Variants in RUVBL1 observed in about 807,000 individuals in gnomAD.
RUVBL1 encodes ruvB-like 1.
Under a neutral mutation model 52.4 loss-of-function variants are expected in RUVBL1, and 4 were observed. That is an observed-to-expected ratio of 0.08 (90% CI 0.04 to 0.17). The LOEUF is 0.17. Ranked by LOEUF, RUVBL1 falls within the 10% of genes least tolerant of loss-of-function variation. The pLI, the probability that RUVBL1 is intolerant of heterozygous loss-of-function variation, is 1.00. For synonymous variants in RUVBL1, 217 were observed against 214.4 expected (o/e 1.01, Z -0.10); for missense variants, 298 against 572.8 (o/e 0.52, Z 4.90).
intron 3 of RUVBL1, among the ~76,000 whole-genome samples, chr3:128,107,359 C>A (rs1300082882): frequency 2.6e-5 from 4 of 152,236 alleles, no homozygotes; most frequent in Admixed American, 2.6e-4. Flanking sequence ...AACTATTCAA[C>A]TCACAAATGT....
At chr3:128,149,438 G>A (rs28456103) in intron 1 of RUVBL1, among the ~76,000 whole-genome samples, 6,605 of 152,178 alleles carry the variant, frequency 0.043, 479 homozygotes, top group African/African-American at 0.15. Flanking sequence ...GCCCGCCTTC[G>A]CCTCTCAAAG....
At chr3:128,114,203 C>T (rs971248123) in intron 2 of RUVBL1, among the ~76,000 whole-genome samples, 2 of 152,228 alleles carry the variant, frequency 1.3e-5, no homozygotes, top group South Asian at 2.1e-4. Context: ...AACAGGAGCA[C>T]GAGTAAGGCC....
downstream of RUVBL1, among the ~76,000 whole-genome samples, chr3:128,077,000 A>G (rs1416563804): frequency 6.6e-6 from 1 of 151,820 alleles, no homozygotes; most frequent in Non-Finnish European, 1.5e-5. This position sits in a 1 kb window ranked among gnomAD's most constrained non-coding sequence, Gnocchi z 6.8. Context: ...GGAGCGGGCA[A>G]TCGGCAGGCG....
At chr3:128,148,965 C>A (rs1030204958) in intron 1 of RUVBL1, among the ~76,000 whole-genome samples, 4 of 151,950 alleles carry the variant, frequency 2.6e-5, no homozygotes, top group East Asian at 1.9e-4. Flanking sequence ...TTGAACATAT[C>A]AAAAATGTAG....
At chr3:128,104,218 T>C (rs1423412751) in intron 4 of RUVBL1, among the ~76,000 whole-genome samples, 1 of 152,238 alleles carries the variant, frequency 6.6e-6, no homozygotes, top group Non-Finnish European at 1.5e-5. Context: ...CTTTGAGCGC[T>C]ATCCAGTGTC....
chr3:128,076,397 G>A (rs1047980914), downstream of RUVBL1, among the ~76,000 whole-genome samples: 5 of 152,172 alleles, frequency 3.3e-5, no homozygotes, highest in African/African-American at 1.2e-4. This position sits in a 1 kb window ranked among gnomAD's most constrained non-coding sequence, Gnocchi z 6.8. Context: ...CGGCCGGCAT[G>A]GAGAGGCGGG....
At chr3:128,150,628 G>A (rs145954436) in intron 1 of RUVBL1, among the ~76,000 whole-genome samples, 20,183 of 103,168 alleles carry the variant, frequency 0.2, 1,794 homozygotes, top group South Asian at 0.25. Context: ...TATATTCTAT[G>A]TATATATTCT....
chr3:128,084,374 G>C (rs1942574946), intron 9 of RUVBL1: 1 of 152,214 alleles, frequency 6.6e-6, no homozygotes, highest in Admixed American at 6.5e-5. Flanking sequence ...CCTGAACACA[G>C]CTTCAAGGTA....
rs1164040466 is a variant in RUVBL1 at position 128,082,268 on chromosome 3, C to T, written c.1211+215G>A. 1.9e-6 allele frequency: 1 copy of T among 529,902 alleles called. No individual in the cohort carries two copies. The highest frequency in any genetic ancestry group is 1.9e-5 in the African/African-American group (1 of 51,914). 32.8% of individuals were successfully genotyped at this position (529,902 alleles called of 1,614,324 possible). ...CCAGAGGGGAGCATCTGCTGCAGGA[C>T]ATGGGGACTTCACCCTTACTCTAGC... On this transcript the variant is annotated intron_variant, in intron 10 of 10. Transcript: ENST00000322623. This position sits in a 1 kb window ranked among gnomAD's most constrained non-coding sequence, Gnocchi z 4.7.
Position 128,094,478 on chromosome 3 carries a change from AT to A in RUVBL1, c.1016+2821del, listed in dbSNP as rs2107683521. On this transcript the variant is annotated intron_variant, in intron 8 of 10. Coordinates refer to ENST00000322623, the MANE Select transcript of RUVBL1 (RefSeq NM_003707.3). ...CCAGGCAGCACCCCGTCAAAGCTCC[AT>A]CCCCGCTCACAGCCCAGGGTCCACT... Among the ~76,000 whole-genome samples, 3 of 152,300 alleles carry A rather than the reference AT, an allele frequency of 2.0e-5. No individual in the cohort carries two copies. The East Asian group carries it at 5.8e-4, about 29-fold the overall frequency.
chr3:128,141,956 T>C (rs1328286926), intron 1 of RUVBL1: 1 of 152,208 alleles, frequency 6.6e-6, no homozygotes, highest in Non-Finnish European at 1.5e-5. Context: ...AATTTTAGTA[T>C]ATGTGCTGCT....
At position 128,100,740 on chromosome 3, in the gene RUVBL1, T is replaced by C; in HGVS notation, c.608A>G (p.Gln203Arg). Residue 203 changes from glutamine to arginine, a missense_variant, in exon 6 of 11, where the codon CAG (glutamine) becomes CGG (arginine). By Grantham distance (43) the Gln-to-Arg change is conservative. Transcript: ENST00000322623. Reference protein sequence around the residue: ...IEANSGAVKRQGRCDTYATEF... With the variant: ...IEANSGAVKRRGRCDTYATEF... ...TGTGGCATAGGTATCACACCTGCCC[T>C]GCCTCTGCAAAAAGAGAGAAACATG... 2 of 1,612,684 alleles carry C rather than the reference T, an allele frequency of 1.2e-6. No homozygotes were observed. Among genetic ancestry groups the C allele is most frequent in the Non-Finnish European group, 1.7e-6 (2 of 1,179,656 alleles).
intron 4 of RUVBL1, 102 bp downstream of exon 4, chr3:128,104,671 G>A: frequency 5.0e-6 from 5 of 990,312 alleles, no homozygotes; most frequent in Non-Finnish European, 7.4e-6. Flanking sequence ...TACCTGCAGT[G>A]CACAGGTCAG....
At chr3:128,092,116 C>T (rs1942856910) in intron 8 of RUVBL1, among the ~76,000 whole-genome samples, 1 of 152,196 alleles carries the variant, frequency 6.6e-6, no homozygotes, top group South Asian at 2.1e-4. Context: ...ACAGTCTTTT[C>T]AACAAATGGT....
Position 128,082,269 on chromosome 3 carries a change from A to G in RUVBL1, c.1211+214T>C, listed in dbSNP as rs777163978. 1.7e-5 allele frequency: 9 copies of G among 529,726 alleles called. No homozygotes were observed. Among genetic ancestry groups the G allele is most frequent in the Non-Finnish European group, 2.7e-5 (8 of 294,032 alleles). The allele number at this position is 529,726 out of a possible 1,614,324, so 32.8% of individuals were successfully genotyped here. On this transcript the variant is annotated intron_variant, in intron 10 of 10. Coordinates refer to ENST00000322623, the MANE Select transcript of RUVBL1 (RefSeq NM_003707.3). This position sits in a 1 kb window ranked among gnomAD's most constrained non-coding sequence, Gnocchi z 4.7. Reference sequence around the variant, plus strand: ...CAGAGGGGAGCATCTGCTGCAGGACATGGGGACTTCACCCTTACTCTAGCT... The same window carrying G: ...CAGAGGGGAGCATCTGCTGCAGGACGTGGGGACTTCACCCTTACTCTAGCT...
rs557238019 is a variant in RUVBL1 at position 128,068,067 on chromosome 3, G to A, written c.940-2847C>T. The stretch of plus-strand genomic sequence containing the variant: ...GGTCCATGAACTCAACCGGTGAGTG[G>A]TGGCCCCAGGTCCCCAACCTCCCGT... On this transcript the variant is annotated intron_variant, in intron 9 of 9. Transcript: ENST00000464873. The A allele has an allele frequency of 3.4e-4, 545 of 1,611,970 alleles. 9 individuals carry two copies. In the South Asian group the frequency reaches 5.8e-3, roughly 17 times the overall value.
At chr3:128,143,025 C>T (rs966684110) in intron 1 of RUVBL1, among the ~76,000 whole-genome samples, 1 of 151,932 alleles carries the variant, frequency 6.6e-6, no homozygotes, top group Non-Finnish European at 1.5e-5. Flanking sequence ...AGATGATCCA[C>T]CCACCTCAGC....
downstream of RUVBL1, among the ~76,000 whole-genome samples, chr3:128,079,701 T>C (rs1190647884): frequency 2.0e-5 from 3 of 152,178 alleles, no homozygotes; most frequent in African/African-American, 7.2e-5. Context: ...GAAGATTCAC[T>C]CTGGCAGCAG....
At chr3:128,066,745 C>T (rs993450644) in intron 9 of RUVBL1, 1 of 578,004 alleles carries the variant, frequency 1.7e-6, no homozygotes, top group African/African-American at 1.9e-5. Flanking sequence ...TTTAAACCAG[C>T]TTTTCTGGGC....
Sources: gnomAD v4.1 joint callset for allele counts (sites outside exome capture counted in the v4.1 genomes callset) on GRCh38, gnomAD v4.1.1 for gene constraint, Gnocchi (gnomAD v3.1) non-coding constraint, MANE v1.5 for transcripts, NCBI Gene and HGNC (gene_info 2026-07-23, HGNC 2026-07-21) for gene names.